Variants in AIG1 observed in about 807,000 individuals in gnomAD.
AIG1 encodes androgen-induced gene 1 protein.
Under a neutral mutation model 31.4 loss-of-function variants are expected in AIG1, and 23 were observed. That is an observed-to-expected ratio of 0.73 (90% confidence interval 0.53 to 1.04). AIG1 has a LOEUF of 1.04. AIG1 is among the 50% of genes least tolerant of loss of function. The pLI, the probability that AIG1 is intolerant of heterozygous loss-of-function variation, is 0.00. For synonymous variants in AIG1, 100 were observed against 110.5 expected, an observed-to-expected ratio of 0.90 and a Z score of 0.60; for missense variants, 274 against 295.0, an observed-to-expected ratio of 0.93 and a Z score of 0.52.
downstream of AIG1, chr6:143,343,492 A>T (rs1316620661): frequency 3.9e-6 from 1 of 254,432 alleles, no homozygotes; most frequent in Non-Finnish European, 7.9e-6. Flanking sequence ...AGACGCCAGC[A>T]TCTGGCCTCC....
intron 1 of AIG1, among the ~76,000 whole-genome samples, chr6:143,122,551 T>C (rs1214840446): frequency 6.6e-6 from 1 of 152,264 alleles, no homozygotes; most frequent in Non-Finnish European, 1.5e-5. Flanking sequence ...ATTGTGTACA[T>C]AGTTGATAGA....
At chr6:143,102,470 A>T (rs1487317096) in intron 1 of AIG1, among the ~76,000 whole-genome samples, 1 of 147,366 alleles carries the variant, frequency 6.8e-6, no homozygotes, top group Non-Finnish European at 1.5e-5. Flanking sequence ...ATATATATAT[A>T]TAAAATATAA....
intron 4 of AIG1, among the ~76,000 whole-genome samples, chr6:143,315,094 CA>C (rs1256122217): frequency 6.6e-6 from 1 of 151,872 alleles, no homozygotes; most frequent in African/African-American, 2.4e-5. Flanking sequence ...ATACCACTAC[CA>C]AAAACAGAAT....
At chr6:143,158,694 A>G (rs772133198) in intron 2 of AIG1, among the ~76,000 whole-genome samples, 2 of 152,224 alleles carry the variant, frequency 1.3e-5, no homozygotes, top group Non-Finnish European at 2.9e-5. Flanking sequence ...GGGCTGGGCC[A>G]TAAGAGTAGC....
intron 3 of AIG1, among the ~76,000 whole-genome samples, chr6:143,263,860 G>A (rs1795974663): frequency 6.6e-6 from 1 of 152,146 alleles, no homozygotes; most frequent in South Asian, 2.1e-4. Flanking sequence ...AGTAGGGCTA[G>A]GGAAAATATA....
chr6:143,239,701 C>CA (rs1794095809), intron 3 of AIG1, among the ~76,000 whole-genome samples: 1 of 152,216 alleles, frequency 6.6e-6, no homozygotes, highest in Non-Finnish European at 1.5e-5. Flanking sequence ...TGTGCCGTAT[C>CA]ACAAGACCTG....
Position 143,293,078 on chromosome 6 carries a change from T to C in AIG1, c.515+8853T>C, listed in dbSNP as rs184591268. Among the ~76,000 whole-genome samples the C allele has an allele frequency of 6.6e-6, 1 of 152,130 alleles. No homozygotes were observed. Among genetic ancestry groups the C allele is most frequent in the East Asian group, 1.9e-4 (1 of 5,164 alleles). ...GGGAAAGAATGCCTGCCTCACAGAG[T>C]TGTGAGGATTAATGAGCCCATAGGG... On this transcript the variant is annotated intron_variant, in intron 4 of 5. Coordinates refer to ENST00000357847, the MANE Select transcript of AIG1 (RefSeq NM_016108.4). This position sits in a 1 kb window ranked among gnomAD's most constrained non-coding sequence, Gnocchi z 4.8.
chr6:143,221,956 G>A (rs1223010890), intron 3 of AIG1, among the ~76,000 whole-genome samples: 1 of 152,178 alleles, frequency 6.6e-6, no homozygotes, highest in African/African-American at 2.4e-5. Flanking sequence ...GGTAGAAATA[G>A]CAACATGCTG....
chr6:143,061,343 C>G, intron 1 of AIG1: 1 of 578,330 alleles, frequency 1.7e-6, no homozygotes, highest in Non-Finnish European at 3.3e-6. Flanking sequence ...AGGTGGTGGG[C>G]TCTTTGGAGG....
At chr6:143,230,067 G>C (rs557559468) in intron 3 of AIG1, among the ~76,000 whole-genome samples, 1 of 152,142 alleles carries the variant, frequency 6.6e-6, no homozygotes, top group South Asian at 2.1e-4. Context: ...GTGGAGATTG[G>C]CTTCTATAAG....
intron 1 of AIG1, among the ~76,000 whole-genome samples, chr6:143,088,087 C>A (rs1430029493): frequency 2.0e-5 from 3 of 152,260 alleles, no homozygotes; most frequent in South Asian, 4.1e-4. Context: ...ATCGGCATGG[C>A]TGAAGAGAGC....
chr6:143,193,370 T>G (rs1789958058), intron 3 of AIG1, among the ~76,000 whole-genome samples: 1 of 152,220 alleles, frequency 6.6e-6, no homozygotes, highest in South Asian at 2.1e-4. Flanking sequence ...TGATTCTTCA[T>G]TTTGTCTTGA....
intron 3 of AIG1, among the ~76,000 whole-genome samples, chr6:143,236,907 A>G (rs1181581617): frequency 6.6e-6 from 1 of 152,202 alleles, no homozygotes; most frequent in Non-Finnish European, 1.5e-5. Context: ...CACACCAGGC[A>G]CTGTGCTACA....
At chr6:143,095,711 T>A (rs985996054) in intron 1 of AIG1, among the ~76,000 whole-genome samples, 1 of 152,152 alleles carries the variant, frequency 6.6e-6, no homozygotes, top group African/African-American at 2.4e-5. Context: ...CAGAACATAC[T>A]ATGCATATAC....
At chr6:143,335,644 G>A (rs1777426327) in intron 5 of AIG1, 1 of 152,056 alleles carries the variant, frequency 6.6e-6, no homozygotes, top group African/African-American at 2.4e-5. Flanking sequence ...TGGTGACAAT[G>A]GTTTAGAATA....
At chr6:143,121,830 G>T (rs1301018025) in intron 1 of AIG1, among the ~76,000 whole-genome samples, 2 of 152,164 alleles carry the variant, frequency 1.3e-5, no homozygotes, top group Admixed American at 6.5e-5. Context: ...TTCACTAAAT[G>T]TAATATATCA....
chr6:143,204,046 C>G (rs1296193251), intron 3 of AIG1, among the ~76,000 whole-genome samples: 1 of 152,064 alleles, frequency 6.6e-6, no homozygotes, highest in African/African-American at 2.4e-5. Flanking sequence ...AAAAATTGAG[C>G]AGATTTGTAG....
chr6:143,212,286 C>G (rs1431106300), intron 3 of AIG1, among the ~76,000 whole-genome samples: 1 of 152,160 alleles, frequency 6.6e-6, no homozygotes, highest in African/African-American at 2.4e-5. Flanking sequence ...ATTCTTCTCT[C>G]CACCTTCTCA....
intron 1 of AIG1, among the ~76,000 whole-genome samples, chr6:143,108,994 A>G (rs1583203186): frequency 6.6e-6 from 1 of 152,142 alleles, no homozygotes; most frequent in Non-Finnish European, 1.5e-5. Flanking sequence ...TTAGCCCCTT[A>G]AAGGTAACCA....
Sources: allele counts gnomAD v4.1 joint callset (sites outside exome capture counted in the v4.1 genomes callset), GRCh38; gene constraint gnomAD v4.1.1; non-coding constraint Gnocchi (gnomAD v3.1); transcripts MANE v1.5; gene names NCBI Gene and HGNC (gene_info 2026-07-23, HGNC 2026-07-21).